WWOX: variants seen among roughly 807,000 people sequenced by gnomAD.
The protein encoded by WWOX is WW domain containing oxidoreductase.
A neutral mutation model predicts 46.2 loss-of-function variants in WWOX; 69 were observed. That is an observed-to-expected ratio of 1.49 (90% confidence interval 1.23 to 1.82). The LOEUF is 1.82. Ranked by LOEUF, WWOX falls within the 40% of genes most tolerant of loss-of-function variation. The pLI is 0.00. For missense variants in WWOX, 919 were observed against 542.6 expected (o/e 1.69, Z -6.89); for synonymous variants, 359 against 202.6 (o/e 1.77, Z -6.56).
At chr16:78,577,511 G>T (rs1219025180) in intron 8 of WWOX, among the ~76,000 whole-genome samples, 2 of 152,160 alleles carry the variant, frequency 1.3e-5, no homozygotes, top group Admixed American at 1.3e-4. Flanking sequence ...CCCTGGGTAT[G>T]ATGCCCTAAT....
chr16:79,197,888 C>G (rs1342676253), intron 8 of WWOX, among the ~76,000 whole-genome samples: 1 of 152,148 alleles, frequency 6.6e-6, no homozygotes, highest in Non-Finnish European at 1.5e-5. Flanking sequence ...ACTTTCCAAT[C>G]AGCAGGAAGT....
At chr16:78,262,268 T>C (rs184529164) in intron 5 of WWOX, among the ~76,000 whole-genome samples, 2 of 151,228 alleles carry the variant, frequency 1.3e-5, no homozygotes, top group African/African-American at 4.9e-5. Context: ...TTAGATACAG[T>C]GTATCTCTGT....
At chr16:78,523,471 C>T (rs566326204) in intron 8 of WWOX, among the ~76,000 whole-genome samples, 7 of 152,270 alleles carry the variant, frequency 4.6e-5, no homozygotes, top group Non-Finnish European at 8.8e-5. Context: ...CTGAAGGTCA[C>T]GGGCTTAGTA....
chr16:78,470,147 C>T (rs1403813159), intron 8 of WWOX, among the ~76,000 whole-genome samples: 1 of 152,230 alleles, frequency 6.6e-6, no homozygotes, highest in Non-Finnish European at 1.5e-5. Context: ...AGCCGTCTGA[C>T]ACATGTGGCT....
chr16:79,190,614 C>G (rs564901488), intron 8 of WWOX, among the ~76,000 whole-genome samples: 1 of 152,296 alleles, frequency 6.6e-6, no homozygotes, highest in East Asian at 1.9e-4. Context: ...GGAGGGAACT[C>G]ATTCAGAAGA....
At chr16:78,742,830 TGAACAG>T (rs1185670776) in intron 8 of WWOX, among the ~76,000 whole-genome samples, 3 of 152,174 alleles carry the variant, frequency 2.0e-5, no homozygotes, top group African/African-American at 7.2e-5. Context: ...AATTGTCCAG[TGAACAG>T]CCATTGCGAG....
intron 8 of WWOX, among the ~76,000 whole-genome samples, chr16:78,660,007 C>T (rs1171468957): frequency 3.9e-5 from 6 of 152,082 alleles, no homozygotes; most frequent in Non-Finnish European, 8.8e-5. Context: ...GTTAATTGAT[C>T]CTCATTTCCT....
intron 8 of WWOX, among the ~76,000 whole-genome samples, chr16:78,795,328 C>G (rs1156388129): frequency 6.6e-6 from 1 of 152,098 alleles, no homozygotes; most frequent in East Asian, 1.9e-4. Context: ...TCCAGGCAGT[C>G]CAACCCCCTG....
At chr16:78,275,327 C>A (rs1437496855) in intron 5 of WWOX, among the ~76,000 whole-genome samples, 1 of 152,238 alleles carries the variant, frequency 6.6e-6, no homozygotes, top group Non-Finnish European at 1.5e-5. Flanking sequence ...GCCCTTGACT[C>A]ACCCTGTACG....
intron 8 of WWOX, among the ~76,000 whole-genome samples, chr16:78,813,729 C>G (rs1029313511): frequency 6.6e-6 from 1 of 152,194 alleles, no homozygotes; most frequent in Non-Finnish European, 1.5e-5. Context: ...TTACTGCTTT[C>G]TCTTTGTCGC....
intron 8 of WWOX, among the ~76,000 whole-genome samples, chr16:78,599,964 G>A (rs2045582069): frequency 6.6e-6 from 1 of 152,100 alleles, no homozygotes; most frequent in Non-Finnish European, 1.5e-5. Context: ...ACCTGAGGCT[G>A]CATAATTTAT....
chr16:78,626,714 T>C (rs1743431558), intron 8 of WWOX, among the ~76,000 whole-genome samples: 1 of 152,182 alleles, frequency 6.6e-6, no homozygotes, highest in African/African-American at 2.4e-5. Flanking sequence ...GATTTAATGT[T>C]CTCACTCTTC....
rs2046143931 is a variant in WWOX, at chr16:78,620,263, T to C, written c.1056+187511T>C. Among the ~76,000 whole-genome samples the C allele has an allele frequency of 2.0e-5, 3 of 152,232 alleles. No homozygotes were observed. In the South Asian group the frequency reaches 6.2e-4, roughly 32 times the overall value. On this transcript the variant is annotated intron_variant, in intron 8 of 8. Transcript: ENST00000566780. ...TTGTGCTGTTAGGAGGGCTGTTTGT[T>C]AAGGTACAGAAGAGGATTGGCCCAT... is the stretch of plus-strand genomic sequence containing the variant.
At chr16:78,480,819 A>G (rs1418320409) in intron 8 of WWOX, among the ~76,000 whole-genome samples, 1 of 152,220 alleles carries the variant, frequency 6.6e-6, no homozygotes, top group Non-Finnish European at 1.5e-5. Flanking sequence ...GTAGTTTTGC[A>G]TGTGTGCTTA....
intron 8 of WWOX, among the ~76,000 whole-genome samples, chr16:78,883,528 A>G (rs1245309526): frequency 6.6e-6 from 1 of 152,172 alleles, no homozygotes; most frequent in Non-Finnish European, 1.5e-5. Context: ...GTTCGAGACC[A>G]GCCTGGCGAA....
In WWOX at chr16:78,114,000, C is replaced by T. The variant is rs564806715; in HGVS notation, c.231-976C>T. Among the ~76,000 whole-genome samples the T allele has an allele frequency of 2.0e-5, 3 of 150,492 alleles. No homozygotes were observed. The East Asian group carries it at 5.9e-4, about 29-fold the overall frequency. ...GCTTCTTAATAGTTTTTAAGATATT[C>T]TGAGGTCTTTATCTCATATCCCAAG... On this transcript the variant is annotated intron_variant, in intron 3 of 8. Transcript: ENST00000566780.
chr16:78,284,479 G>A (rs1041307944), intron 5 of WWOX, among the ~76,000 whole-genome samples: 1 of 152,188 alleles, frequency 6.6e-6, no homozygotes, highest in African/African-American at 2.4e-5. Flanking sequence ...TAAACATGGA[G>A]CTCAGAGGAA....
At chr16:78,607,858 C>G (rs1229467274) in intron 8 of WWOX, among the ~76,000 whole-genome samples, 1 of 151,994 alleles carries the variant, frequency 6.6e-6, no homozygotes, top group East Asian at 1.9e-4. Context: ...CAATAGGTAC[C>G]TGCAGGGCTT....
At chr16:78,877,950 A>G (rs1027340080) in intron 8 of WWOX, among the ~76,000 whole-genome samples, 2 of 152,174 alleles carry the variant, frequency 1.3e-5, no homozygotes, top group East Asian at 1.9e-4. Context: ...GGTCTGTTCA[A>G]TTGCAAATCC....
Sources: gnomAD v4.1 joint callset for allele counts (sites outside exome capture counted in the v4.1 genomes callset) on GRCh38, gnomAD v4.1.1 for gene constraint, MANE v1.5 for transcripts, NCBI Gene and HGNC (gene_info 2026-07-23, HGNC 2026-07-21) for gene names.